Variants in NSL1 observed in about 807,000 individuals in gnomAD.
The protein encoded by NSL1 is kinetochore-associated protein NSL1 homolog.
NSL1 carries 11 observed loss-of-function variants against 25.4 expected under a neutral mutation model. The ratio of observed to expected loss-of-function variants is 0.43; its 90% CI spans 0.27 to 0.72. NSL1 has a LOEUF of 0.72. Ranked by LOEUF, NSL1 falls within the 30% of genes least tolerant of loss-of-function variation. The probability of loss-of-function intolerance (pLI) is 0.19; values close to 1 mark genes in which losing one functional copy is unlikely to be tolerated. For missense variants in NSL1, 330 were observed against 342.7 expected (o/e 0.96, Z 0.29); for synonymous variants, 118 against 120.6 (o/e 0.98, Z 0.14).
chr1:212,728,100 T>C lies in NSL1; in HGVS notation c.*10308A>G, dbSNP rs1657861853. The C allele has an allele frequency of 1.0e-6, 1 of 981,592 alleles. No individual in the cohort carries two copies. The highest frequency in any genetic ancestry group is 1.2e-6 in the Non-Finnish European group (1 of 826,522). The allele number at this position is 981,592 out of a possible 1,614,324, so 60.8% of individuals were successfully genotyped here. A position where few individuals can be genotyped will look rare whatever the true frequency, so the allele number is the denominator to read the frequency against. On this transcript the variant is annotated 3_prime_UTR_variant, in exon 6 of 6. Coordinates refer to ENST00000366977, the MANE Select transcript of NSL1 (RefSeq NM_015471.4). ...CCTTCTCATCTCCACCTCTTTCTCA[T>C]GAAATGGGCGTGGTAATAGCCCTTA...
At chr1:212,741,451 G>C (rs1416997168) in intron 4 of NSL1, among the ~76,000 whole-genome samples, 3 of 152,106 alleles carry the variant, frequency 2.0e-5, no homozygotes, top group Non-Finnish European at 2.9e-5. Context: ...TGGATCACGG[G>C]GCGATTTCCC....
chr1:212,727,132 C>G lies in NSL1; in HGVS notation c.*11276G>C. 1.3e-6 allele frequency: 2 copies of G among 1,574,266 alleles called. No homozygotes were observed. Among genetic ancestry groups the G allele is most frequent in the East Asian group, 2.3e-5 (1 of 42,784 alleles). On this transcript the variant is annotated 3_prime_UTR_variant, in exon 6 of 6. Coordinates refer to ENST00000366977, the MANE Select transcript of NSL1 (RefSeq NM_015471.4). ...CAGAAGGGATGAAGGTTCCCCGATC[C>G]CCTTCTCTCCTAAACTGCCCCTAGA...
chr1:212,765,216 A>G (rs1659748875), intron 4 of NSL1, among the ~76,000 whole-genome samples: 1 of 152,194 alleles, frequency 6.6e-6, no homozygotes, highest in South Asian at 2.1e-4. Flanking sequence ...AAAAGAGGAA[A>G]TCCTCCCTAA....
intron 4 of NSL1, among the ~76,000 whole-genome samples, chr1:212,768,086 G>C (rs1352295178): frequency 2.6e-5 from 4 of 152,132 alleles, no homozygotes. Context: ...TTGGGAGTTC[G>C]AGGAGGGTAG....
rs1657793783 is a variant in NSL1, at chr1:212,726,510, G to A, written c.*11898C>T. ...AAGAGGTGCTGGAGCCATCTATCCA[G>A]GTCCCTGTACTCTCTCTGGCCCTCT... On this transcript the variant is annotated 3_prime_UTR_variant, in exon 6 of 6. Transcript: ENST00000366977. 1.3e-5 allele frequency: 2 copies of A among 152,328 alleles called. No individual in the cohort carries two copies. Among genetic ancestry groups the A allele is most frequent in the African/African-American group, 4.8e-5 (2 of 41,420 alleles). 9.4% of individuals were successfully genotyped at this position (152,328 alleles called of 1,614,324 possible). A position where few individuals can be genotyped will look rare whatever the true frequency, so the allele number is the denominator to read the frequency against.
Position 212,731,061 on chromosome 1 carries a change from A to G in NSL1, c.*7347T>C. The G allele has an allele frequency of 1.0e-6, 1 of 984,928 alleles. No individual in the cohort carries two copies. The allele number at this position is 984,928 out of a possible 1,614,324, so 61.0% of individuals were successfully genotyped here. ...TGAAGCTTCAAATGAATATAACATT[A>G]ATTTTCTCAAATCCTTTCATATAAA... is the stretch of plus-strand genomic sequence containing the variant. On this transcript the variant is annotated 3_prime_UTR_variant, in exon 6 of 6. Transcript: ENST00000366977.
chr1:212,728,075 C>T lies in NSL1; in HGVS notation c.*10333G>A. The T allele has an allele frequency of 4.1e-6, 4 of 985,234 alleles. No homozygotes were observed. Among genetic ancestry groups the T allele is most frequent in the Non-Finnish European group, 3.6e-6 (3 of 829,788 alleles). 61.0% of individuals were successfully genotyped at this position (985,234 alleles called of 1,614,324 possible). Reference sequence around the variant, plus strand: ...CGCTGGGAAGGTGGCCAGGCACTTCCCTTCTCATCTCCACCTCTTTCTCAT... The same window carrying T: ...CGCTGGGAAGGTGGCCAGGCACTTCTCTTCTCATCTCCACCTCTTTCTCAT... On this transcript the variant is annotated 3_prime_UTR_variant, in exon 6 of 6. Coordinates refer to ENST00000366977, the MANE Select transcript of NSL1 (RefSeq NM_015471.4).
intron 1 of NSL1, among the ~76,000 whole-genome samples, chr1:212,788,562 T>C (rs1360837235): frequency 1.3e-5 from 2 of 152,082 alleles, no homozygotes; most frequent in Non-Finnish European, 2.9e-5. Context: ...AATAGACAAA[T>C]TGGACTTCAT....
chr1:212,756,712 C>T (rs956588744), intron 4 of NSL1, among the ~76,000 whole-genome samples: 11 of 151,960 alleles, frequency 7.2e-5, no homozygotes, highest in Admixed American at 5.2e-4. Context: ...CCCAGCTAGT[C>T]TAGAGGCTGA....
intron 4 of NSL1, among the ~76,000 whole-genome samples, chr1:212,759,812 A>G (rs1288728754): frequency 2.6e-5 from 4 of 152,072 alleles, no homozygotes; most frequent in African/African-American, 9.7e-5. Flanking sequence ...ACAGTGTCCT[A>G]CACCCCAAGG....
At chr1:212,780,593 G>A (rs1558063089) in intron 4 of NSL1, among the ~76,000 whole-genome samples, 1 of 150,000 alleles carries the variant, frequency 6.7e-6, no homozygotes, top group Non-Finnish European at 1.5e-5. Context: ...AAACTTTCAA[G>A]AGGTTCCCAC....
chr1:212,772,513 A>G, intron 4 of NSL1, among the ~76,000 whole-genome samples: 1 of 151,916 alleles, frequency 6.6e-6, no homozygotes, highest in African/African-American at 2.4e-5. Context: ...AAATAAATAA[A>G]TAAATAAATA....
Position 212,781,362 on chromosome 1 carries a change from G to GT in NSL1, c.499+1009dup, listed in dbSNP as rs777771493. ...CATAATACCACAAGTTTCAATTACT[G>GT]TTTTTTTGTTATTCAAAACCAAAAC... On this transcript the variant is annotated intron_variant, in intron 4 of 5. Coordinates refer to ENST00000366977, the MANE Select transcript of NSL1 (RefSeq NM_015471.4). Among the ~76,000 whole-genome samples the GT allele has an allele frequency of 3.3e-5, 5 of 152,208 alleles. No homozygotes were observed. In the East Asian group the frequency reaches 7.7e-4, roughly 23 times the overall value.
intron 4 of NSL1, among the ~76,000 whole-genome samples, chr1:212,765,106 C>CA (rs1442010045): frequency 2.6e-5 from 4 of 151,394 alleles, no homozygotes; most frequent in East Asian, 3.9e-4. Context: ...AAATTGCCAA[C>CA]AAAAAAAAGT....
intron 4 of NSL1, among the ~76,000 whole-genome samples, chr1:212,777,135 A>G (rs1322816182): frequency 6.6e-6 from 1 of 151,970 alleles, no homozygotes; most frequent in Non-Finnish European, 1.5e-5. Flanking sequence ...GCACTTTTGG[A>G]GGCCAAGGCA....
intron 4 of NSL1, among the ~76,000 whole-genome samples, chr1:212,770,477 C>A (rs1185239525): frequency 7.3e-5 from 11 of 150,418 alleles, no homozygotes; most frequent in Admixed American, 4.0e-4. Flanking sequence ...AGGAAAAAAA[C>A]AAACAAACAA....
Position 212,727,677 on chromosome 1 carries a change from G to A in NSL1, c.*10731C>T, listed in dbSNP as rs547608439. On this transcript the variant is annotated 3_prime_UTR_variant, in exon 6 of 6. Coordinates refer to ENST00000366977, the MANE Select transcript of NSL1 (RefSeq NM_015471.4). The stretch of plus-strand genomic sequence containing the variant: ...ATTATAATCCTGAACAATCAGGACT[G>A]TTAGCTTCCCACGATGAAAGAATGA... 1.0e-5 allele frequency: 10 copies of A among 985,188 alleles called. No homozygotes were observed. The South Asian group carries it at 4.2e-4, about 42-fold the overall frequency. The allele number at this position is 985,188 out of a possible 1,614,324, so 61.0% of individuals were successfully genotyped here.
At chr1:212,742,047 A>G (rs1449210697) in intron 4 of NSL1, among the ~76,000 whole-genome samples, 1 of 152,084 alleles carries the variant, frequency 6.6e-6, no homozygotes, top group African/African-American at 2.4e-5. Context: ...CCGACCCAAC[A>G]CCACCCCCCA....
intron 1 of NSL1, among the ~76,000 whole-genome samples, chr1:212,790,945 T>TA (rs1436054486): frequency 6.6e-6 from 1 of 150,902 alleles, no homozygotes; most frequent in Admixed American, 6.6e-5. Flanking sequence ...TAAAATAAAA[T>TA]AAATAAATAA....
Sources: allele counts gnomAD v4.1 joint callset (sites outside exome capture counted in the v4.1 genomes callset), GRCh38; gene constraint gnomAD v4.1.1; transcripts MANE v1.5; gene names NCBI Gene and HGNC (gene_info 2026-07-23, HGNC 2026-07-21).